UNC5D: variants seen among roughly 807,000 people sequenced by gnomAD.
UNC5D encodes unc-5 netrin receptor D.
Under a neutral mutation model 105.4 loss-of-function variants are expected in UNC5D, and 39 were observed. That is an observed-to-expected ratio of 0.37 (90% CI 0.29 to 0.48). UNC5D has a LOEUF of 0.48. UNC5D is among the 20% of genes least tolerant of loss of function. UNC5D has a pLI of 0.98. For synonymous variants in UNC5D, 452 were observed against 450.4 expected (o/e 1.00, Z -0.04); for missense variants, 991 against 1,202.4 (o/e 0.82, Z 2.60).
chr8:35,558,987 GA>G (rs765831186), intron 2 of UNC5D, among the ~76,000 whole-genome samples: 138 of 144,912 alleles, frequency 9.5e-4, no homozygotes, highest in Middle Eastern at 7.0e-3. Flanking sequence ...GTCTCCAGGG[GA>G]AAAAAAAAAA....
At chr8:35,787,152 T>C (rs750941883) in intron 16 of UNC5D, among the ~76,000 whole-genome samples, 3 of 152,204 alleles carry the variant, frequency 2.0e-5, no homozygotes, top group African/African-American at 4.8e-5. Context: ...CAGAGAAAGT[T>C]TGTCAACCCC....
At chr8:35,406,680 G>A (rs1030457186) in intron 1 of UNC5D, among the ~76,000 whole-genome samples, 1 of 152,160 alleles carries the variant, frequency 6.6e-6, no homozygotes, top group African/African-American at 2.4e-5. Context: ...CCTTTTAAGG[G>A]CTTCCCTGGG....
chr8:35,346,876 A>G (rs1811842527), intron 1 of UNC5D, among the ~76,000 whole-genome samples: 1 of 151,934 alleles, frequency 6.6e-6, no homozygotes. Flanking sequence ...TCTGTATTTC[A>G]GATGTTGGCA....
At chr8:35,578,233 A>C (rs1563553872) in intron 3 of UNC5D, among the ~76,000 whole-genome samples, 1 of 148,190 alleles carries the variant, frequency 6.7e-6, no homozygotes, top group Non-Finnish European at 1.5e-5. Context: ...CTCAAAAAAA[A>C]AAAAAAAAAA....
chr8:35,316,582 A>G (rs1478709386), intron 1 of UNC5D, among the ~76,000 whole-genome samples: 1 of 152,170 alleles, frequency 6.6e-6, no homozygotes, highest in East Asian at 1.9e-4. Context: ...AATCACATAC[A>G]TTGGCCTAAC....
chr8:35,265,203 CCT>C (rs1804773334), intron 1 of UNC5D, among the ~76,000 whole-genome samples: 3 of 129,486 alleles, frequency 2.3e-5, no homozygotes, highest in Admixed American at 1.6e-4. Flanking sequence ...AAGACTGTGA[CCT>C]TATCATAGTC....
intron 1 of UNC5D, among the ~76,000 whole-genome samples, chr8:35,522,738 G>T (rs1044913595): frequency 1.3e-5 from 2 of 152,120 alleles, no homozygotes; most frequent in Non-Finnish European, 2.9e-5. Flanking sequence ...TGTGAAACTG[G>T]ATGATCTCTA....
rs562799738 is a variant in UNC5D, at chr8:35,607,840, ACCCTAACCCTAAC to A, written c.570+12199_570+12211del. On this transcript the variant is annotated intron_variant, in intron 4 of 16. Transcript: ENST00000404895. ...ATAAACTTCTTTCCTTTATAAATTA[ACCCTAACCCTAAC>A]CCCTAACCCTAACCCTAACCCTAGC... Among the ~76,000 whole-genome samples, 150 of 152,028 alleles carry A rather than the reference ACCCTAACCCTAAC, an allele frequency of 9.9e-4. 2 individuals carry two copies. In the East Asian group the frequency reaches 0.024, roughly 25 times the overall value.
chr8:35,640,629 G>A (rs747321397), intron 4 of UNC5D, among the ~76,000 whole-genome samples: 3 of 152,078 alleles, frequency 2.0e-5, no homozygotes, highest in Admixed American at 6.6e-5. Context: ...GCAGGATGAC[G>A]CAGTGGAAGA....
intron 16 of UNC5D, among the ~76,000 whole-genome samples, chr8:35,781,849 T>TA (rs1251982418): frequency 6.6e-6 from 1 of 152,192 alleles, no homozygotes; most frequent in Non-Finnish European, 1.5e-5. Flanking sequence ...AGGGCTCTCA[T>TA]ACATTTCCAA....
At chr8:35,651,983 G>A (rs1406587063) in intron 4 of UNC5D, among the ~76,000 whole-genome samples, 1 of 152,040 alleles carries the variant, frequency 6.6e-6, no homozygotes, top group South Asian at 2.1e-4. Context: ...ACCCATCCTG[G>A]TGCCAATGTA....
intron 2 of UNC5D, among the ~76,000 whole-genome samples, chr8:35,553,558 A>G (rs556175013): frequency 1.3e-5 from 2 of 152,314 alleles, no homozygotes; most frequent in South Asian, 4.2e-4. Flanking sequence ...GATTGAATCA[A>G]TGTGAAAGAA....
At chr8:35,446,852 G>A (rs1483769012) in intron 1 of UNC5D, among the ~76,000 whole-genome samples, 4 of 152,216 alleles carry the variant, frequency 2.6e-5, no homozygotes, top group African/African-American at 9.6e-5. Context: ...AATCTCAGTT[G>A]CATGTGAGCT....
At chr8:35,248,785 A>T (rs1393461628) in intron 1 of UNC5D, among the ~76,000 whole-genome samples, 1 of 99,086 alleles carries the variant, frequency 1.0e-5, no homozygotes, top group Non-Finnish European at 1.8e-5. Context: ...AAATATATAA[A>T]ATATAATATA....
chr8:35,347,154 G>A (rs530665672), intron 1 of UNC5D, among the ~76,000 whole-genome samples: 3 of 152,114 alleles, frequency 2.0e-5, no homozygotes, highest in South Asian at 4.1e-4. Flanking sequence ...GAATGTGGTC[G>A]ACAGAACACA....
At chr8:35,578,741 A>C (rs1192085891) in intron 3 of UNC5D, among the ~76,000 whole-genome samples, 2 of 152,216 alleles carry the variant, frequency 1.3e-5, no homozygotes, top group African/African-American at 4.8e-5. Context: ...AACAGAGAAT[A>C]ACTCGTATGT....
chr8:35,796,116 T>C lies in UNC5D; in HGVS notation c.*5553T>C, dbSNP rs542093503. 1 of 152,104 alleles carries C rather than the reference T, an allele frequency of 6.6e-6. No individual in the cohort carries two copies. Among genetic ancestry groups the C allele is most frequent in the Non-Finnish European group, 1.5e-5 (1 of 67,982 alleles). The allele number at this position is 152,104 out of a possible 1,614,324, so 9.4% of individuals were successfully genotyped here. A position where few individuals can be genotyped will look rare whatever the true frequency, so the allele number is the denominator to read the frequency against. On this transcript the variant is annotated 3_prime_UTR_variant, in exon 17 of 17. Coordinates refer to ENST00000404895, the MANE Select transcript of UNC5D (RefSeq NM_080872.4). ...ATTTGATGTGTTCAAAGCCAAAAAATAAAATAAAATAAAGCAGGGCTGAAC... is the reference window on the plus strand; with the variant it reads ...ATTTGATGTGTTCAAAGCCAAAAAACAAAATAAAATAAAGCAGGGCTGAAC...
In UNC5D at chr8:35,707,564, G is replaced by A. The variant is rs1047374152; in HGVS notation, c.1117+1603G>A. ...TGTCAGGACCCTCAGGATGACAGGT[G>A]GAGTAAGTGGACTCTTACCTTGCTC... On this transcript the variant is annotated intron_variant, in intron 8 of 16. Coordinates refer to ENST00000404895, the MANE Select transcript of UNC5D (RefSeq NM_080872.4). Among the ~76,000 whole-genome samples the A allele has an allele frequency of 2.6e-5, 4 of 152,110 alleles. No homozygotes were observed. The East Asian group carries it at 7.7e-4, about 29-fold the overall frequency.
intron 4 of UNC5D, among the ~76,000 whole-genome samples, chr8:35,667,646 T>A (rs1250675439): frequency 6.6e-6 from 1 of 152,200 alleles, no homozygotes; most frequent in Admixed American, 6.5e-5. Context: ...ACCAAAAATT[T>A]TAAATAACAT....
Sources: gnomAD v4.1 joint callset for allele counts (sites outside exome capture counted in the v4.1 genomes callset) on GRCh38, gnomAD v4.1.1 for gene constraint, MANE v1.5 for transcripts, NCBI Gene and HGNC (gene_info 2026-07-23, HGNC 2026-07-21) for gene names.